The following KIF20A variants were observed in gnomAD, a reference collection of about 807,000 sequenced individuals.
KIF20A encodes the protein kinesin-like protein KIF20A.
In KIF20A, 66 loss-of-function variants were observed where a neutral mutation model predicts 113.0. That is an observed-to-expected ratio of 0.58 (90% confidence interval 0.48 to 0.72). The LOEUF (loss-of-function observed/expected upper bound fraction) is 0.72. Ranked by LOEUF, KIF20A falls within the 30% of genes least tolerant of loss-of-function variation. The probability of loss-of-function intolerance (pLI) is 0.00; values close to 1 mark genes in which losing one functional copy is unlikely to be tolerated. For synonymous variants in KIF20A, 376 were observed against 402.3 expected, an observed-to-expected ratio of 0.93 and a Z score of 0.78; for missense variants, 927 against 1,077.6, an observed-to-expected ratio of 0.86 and a Z score of 1.96.
At position 138,183,515 on chromosome 5, in the gene KIF20A, T is replaced by G; in HGVS notation, c.1073T>G (p.Leu358Arg). The part of the protein sequence containing the change: ...HVQDAEEAWK[L>R]LKVGRKNQSF... ...CAAGATGCTGAGGAGGCCTGGAAGC[T>G]CCTAAAAGTGGGTCGTAAGAACCAG... The change falls in exon 9 of 19, where the codon CTC (leucine) becomes CGC (arginine). Residue 358 changes from leucine (L) to arginine (R), a missense_variant. Leu to Arg is a moderately radical substitution (Grantham distance 102). Coordinates refer to ENST00000394894, the MANE Select transcript of KIF20A (RefSeq NM_005733.3). The surrounding 1 kb of genome is among the most constrained non-coding windows in gnomAD (Gnocchi z 5.2). The G allele has an allele frequency of 1.9e-6, 3 of 1,614,044 alleles. No individual in the cohort carries two copies. In the South Asian group the frequency reaches 3.3e-5, roughly 18 times the overall value.
At chr5:138,180,322 G>T (rs1277800458) in intron 2 of KIF20A, among the ~76,000 whole-genome samples, 1 of 152,196 alleles carries the variant, frequency 6.6e-6, no homozygotes, top group Admixed American at 6.5e-5. Context: ...GACAGTTCTT[G>T]TAGGGATCTG....
Position 138,184,367 on chromosome 5 carries a change from C to G in KIF20A, c.1481C>G (p.Thr494Ser), listed in dbSNP as rs781765058. ...VNPCASTYDE[T>S]LHVAKFSAIA... Reference sequence around the variant, plus strand: ...CCCTGTGCATCTACCTATGATGAAACTCTTCATGTGGCCAAGTTCTCAGCC... The same window carrying G: ...CCCTGTGCATCTACCTATGATGAAAGTCTTCATGTGGCCAAGTTCTCAGCC... Residue 494 changes from threonine to serine, a missense_variant, in exon 12 of 19, where the codon ACT becomes AGT. Physicochemically the swap from Thr to Ser is moderately conservative, Grantham distance 58. Coordinates refer to ENST00000394894, the MANE Select transcript of KIF20A (RefSeq NM_005733.3). 1 of 1,614,150 alleles carries G rather than the reference C, an allele frequency of 6.2e-7. No homozygotes were observed. The highest frequency in any genetic ancestry group is 8.5e-7 in the Non-Finnish European group (1 of 1,180,008).
rs565096672 is a variant in KIF20A at position 138,183,754 on chromosome 5, C to T, written c.1206C>T (p.Ser402=). The change falls in exon 10 of 19, where the codon AGC becomes AGT. Residue 402 remains serine, a splice_region_variant and synonymous_variant. Transcript: ENST00000394894. The surrounding 1 kb of genome is among the most constrained non-coding windows in gnomAD (Gnocchi z 5.2). ...AAGGAGATATAGTCCCCAAGATCAG[C>T]GAGTAAGTTTATCCATTTAGAAATT... is the stretch of plus-strand genomic sequence containing the variant. ...QGEGDIVPKI[S]ELSLCDLAGS... 7.3e-5 allele frequency: 118 copies of T among 1,612,434 alleles called. No individual in the cohort carries two copies. Among genetic ancestry groups the T allele is most frequent in the Middle Eastern group, 6.6e-4 (4 of 6,060 alleles).
Position 138,182,752 on chromosome 5 carries a change from G to A in KIF20A, c.681G>A (p.Leu227=). 6.2e-7 allele frequency: 1 copy of A among 1,613,728 alleles called. No homozygotes were observed. The highest frequency in any genetic ancestry group is 8.5e-7 in the Non-Finnish European group (1 of 1,180,020). Residue 227 remains leucine, a synonymous_variant, in exon 6 of 19, where the codon CTG becomes CTA. Transcript: ENST00000394894. ...AGGAGGAAATGAAGAAGCTGTCCCT[G>A]CTAAATGGAGGCCTCCAAGAGGTAA... ...IRQEEMKKLS[L]LNGGLQEEEL...
intron 2 of KIF20A, among the ~76,000 whole-genome samples, chr5:138,180,149 C>T (rs1754627624): frequency 6.6e-6 from 1 of 152,152 alleles, no homozygotes; most frequent in Non-Finnish European, 1.5e-5. Flanking sequence ...CTCTCTTTGC[C>T]TTGAGGCCCA....
Position 138,183,315 on chromosome 5 carries a change from C to A in KIF20A, c.979C>A (p.Gln327Lys). The A allele has an allele frequency of 6.2e-7, 1 of 1,614,238 alleles. No homozygotes were observed. The highest frequency in any genetic ancestry group is 8.5e-7 in the Non-Finnish European group (1 of 1,180,046). ...ACCGCCTAGCCAACAGCGCAAGAGG[C>A]AGACTTTGCGGCTATGCGAGGATCA... ...LEPPSQQRKRQTLRLCEDQNG... is the reference protein window; with the variant it reads ...LEPPSQQRKRKTLRLCEDQNG... The change falls in exon 8 of 19, where the codon CAG (glutamine) becomes AAG (lysine). Residue 327 changes from glutamine to lysine, a missense_variant. Transcript: ENST00000394894. The surrounding 1 kb of genome is among the most constrained non-coding windows in gnomAD (Gnocchi z 5.2).
rs1038023348 is a variant in KIF20A, at chr5:138,183,329, A to G, written c.993A>G (p.Leu331=). Residue 331 remains leucine, a synonymous_variant, in exon 8 of 19, where the codon CTA becomes CTG. Coordinates refer to ENST00000394894, the MANE Select transcript of KIF20A (RefSeq NM_005733.3). This position sits in a 1 kb window ranked among gnomAD's most constrained non-coding sequence, Gnocchi z 5.2. ...SQQRKRQTLR[L]CEDQNGNPYV... ...AGCGCAAGAGGCAGACTTTGCGGCT[A>G]TGCGAGGATCAAAATGGCAATCCCT... is the stretch of plus-strand genomic sequence containing the variant. The G allele has an allele frequency of 6.2e-6, 10 of 1,614,238 alleles. No homozygotes were observed. The highest frequency in any genetic ancestry group is 1.1e-5 in the South Asian group (1 of 91,078).
chr5:138,180,804 G>A (rs1293937506), intron 2 of KIF20A, among the ~76,000 whole-genome samples: 1 of 152,182 alleles, frequency 6.6e-6, no homozygotes, highest in African/African-American at 2.4e-5. Context: ...AGCCTCCTGA[G>A]TAGCTGGAAT....
At chr5:138,182,007 TAG>T (rs1754668935) in intron 4 of KIF20A, 2 of 571,174 alleles carry the variant, frequency 3.5e-6, no homozygotes, top group East Asian at 3.0e-5. Flanking sequence ...TAGTCACTAG[TAG>T]AGTTAGGACC....
rs183877837 is a variant in KIF20A, at chr5:138,186,236, C to T, written c.2218-58C>T. On this transcript the variant is annotated intron_variant, in intron 17 of 18. Transcript: ENST00000394894. ...TCTTCAAATGGCTACCTGACCCCTC[C>T]AGATCATTATCCTGGTTGCTCTTGG... 1.9e-4 allele frequency: 303 copies of T among 1,567,618 alleles called. No homozygotes were observed. In the African/African-American group the frequency reaches 3.9e-3, roughly 20 times the overall value.
Position 138,183,166 on chromosome 5 carries a change from C to T in KIF20A, c.833-3C>T. The T allele has an allele frequency of 6.2e-7, 1 of 1,613,756 alleles. No individual in the cohort carries two copies. The highest frequency in any genetic ancestry group is 8.5e-7 in the Non-Finnish European group (1 of 1,179,796). On this transcript the variant is annotated splice_region_variant and splice_polypyrimidine_tract_variant and intron_variant, in intron 7 of 18. Transcript: ENST00000394894. This position sits in a 1 kb window ranked among gnomAD's most constrained non-coding sequence, Gnocchi z 5.2. ...ATGCCCTATACATTGGCTTCTTCTC[C>T]AGAAACAAGTCATCGATGGGCACAG...
At chr5:138,185,034 T>C (rs772892654) in intron 14 of KIF20A, 61 bp from the exon 15 acceptor site, 166 of 1,591,088 alleles carry the variant, frequency 1.0e-4, no homozygotes, top group Non-Finnish European at 1.3e-4. Context: ...TCAAGATCTG[T>C]TCCCCAAGTT....
In KIF20A at chr5:138,184,062, C is replaced by T; in HGVS notation, c.1309C>T (p.Leu437=). 2.5e-6 allele frequency: 4 copies of T among 1,614,198 alleles called. No individual in the cohort carries two copies. In the Middle Eastern group the frequency reaches 4.9e-4, roughly 200 times the overall value. ...AAACATTAACACCTCTCTACACACC[C>T]TGGGCCGCTGTATTGCTGCCCTTCG... ...AGNINTSLHT[L]GRCIAALRQN... is the part of the protein sequence containing the mutation. Residue 437 remains leucine, a synonymous_variant, in exon 11 of 19, where the codon CTG becomes TTG. Transcript: ENST00000394894.
At chr5:138,186,894 A>C (rs1581480426) in intron 18 of KIF20A, among the ~76,000 whole-genome samples, 1 of 152,204 alleles carries the variant, frequency 6.6e-6, no homozygotes, top group African/African-American at 2.4e-5. Flanking sequence ...GTGTTAGAAG[A>C]TGTCCTATTC....
chr5:138,182,889 G>A lies in KIF20A; in HGVS notation c.731G>A (p.Ser244Asn). 6.2e-7 allele frequency: 1 copy of A among 1,614,210 alleles called. No homozygotes were observed. The highest frequency in any genetic ancestry group is 8.5e-7 in the Non-Finnish European group (1 of 1,180,032). ...EEELSTSLKR[S>N]VYIESRIGTS... The stretch of plus-strand genomic sequence containing the variant: ...GAGCTGTCCACTTCCTTGAAGAGGA[G>A]TGTCTACATCGAAAGTCGGATAGGT... The change falls in exon 7 of 19, where the codon AGT (serine) becomes AAT (asparagine). Residue 244 changes from serine to asparagine, a missense_variant. Physicochemically the swap from Ser to Asn is conservative, Grantham distance 46. Transcript: ENST00000394894.
rs1301456157 is a variant in KIF20A, at chr5:138,187,163, C to A, written c.2423C>A (p.Ala808Glu). 6.2e-7 allele frequency: 1 copy of A among 1,613,984 alleles called. No individual in the cohort carries two copies. Among genetic ancestry groups the A allele is most frequent in the South Asian group, 1.1e-5 (1 of 91,082 alleles). The change falls in exon 19 of 19, where the codon GCA becomes GAA. Residue 808 changes from alanine to glutamate, a missense_variant. Coordinates refer to ENST00000394894, the MANE Select transcript of KIF20A (RefSeq NM_005733.3). The part of the protein sequence containing the change: ...LVKLDLRKKA[A>E]CIAEQYHTVL... ...AAACTGGACCTTCGGAAGAAGGCAG[C>A]ATGTATTGCTGAGCAGTATCATACT...
chr5:138,181,193 G>A (rs1016595989), intron 2 of KIF20A, among the ~76,000 whole-genome samples: 4 of 152,256 alleles, frequency 2.6e-5, no homozygotes, highest in Non-Finnish European at 1.5e-5. Flanking sequence ...CAGATCATCG[G>A]TGTGGCAAGC....
intron 2 of KIF20A, among the ~76,000 whole-genome samples, chr5:138,180,897 G>A (rs113511234): frequency 0.01 from 1,524 of 152,266 alleles, 19 homozygotes; most frequent in Non-Finnish European, 0.016. Flanking sequence ...GACTGGTCTG[G>A]AACTCCTGAC....
chr5:138,184,309 C>G lies in KIF20A; in HGVS notation c.1423C>G (p.Arg475Gly). 1 of 1,614,158 alleles carries G rather than the reference C, an allele frequency of 6.2e-7. No individual in the cohort carries two copies. The highest frequency in any genetic ancestry group is 1.6e-4 in the Middle Eastern group (1 of 6,062). ...AGTGTTCCAAGGTTTCTTCACAGGC[C>G]GAGGCCGTTCCTGCATGATTGTCAA... ...TRVFQGFFTG[R>G]GRSCMIVNVN... The change falls in exon 12 of 19, where the codon CGA becomes GGA. Residue 475 changes from arginine (R) to glycine (G), a missense_variant. Coordinates refer to ENST00000394894, the MANE Select transcript of KIF20A (RefSeq NM_005733.3).
Sources: gnomAD v4.1 joint callset for allele counts (sites outside exome capture counted in the v4.1 genomes callset) on GRCh38, gnomAD v4.1.1 for gene constraint, Gnocchi (gnomAD v3.1) non-coding constraint, MANE v1.5 for transcripts, NCBI Gene and HGNC (gene_info 2026-07-23, HGNC 2026-07-21) for gene names.